The following RARB variants were observed in gnomAD, a reference collection of about 807,000 sequenced individuals.
The protein encoded by RARB is retinoic acid receptor beta.
Under a neutral mutation model 51.9 loss-of-function variants are expected in RARB, and 17 were observed. That is an observed-to-expected ratio of 0.33 (90% CI 0.22 to 0.49). The LOEUF is 0.49. Among genes scored for constraint, RARB ranks in the 20% least tolerant of loss-of-function variants. RARB has a pLI of 0.99. For missense variants in RARB, 369 were observed against 550.8 expected, an observed-to-expected ratio of 0.67 and a Z score of 3.30; for synonymous variants, 215 against 195.4, an observed-to-expected ratio of 1.10 and a Z score of -0.84.
intron 1 of RARB, 85 bp downstream of exon 1, chr3:25,428,973 A>C (rs566892147): frequency 2.1e-6 from 3 of 1,418,414 alleles, no homozygotes; most frequent in Non-Finnish European, 2.8e-6. Flanking sequence ...AATAAACTGC[A>C]TTGGTAGCAA....
chr3:25,030,112 T>C (rs978332512), intron 2 of RARB, among the ~76,000 whole-genome samples: 1 of 152,220 alleles, frequency 6.6e-6, no homozygotes, highest in African/African-American at 2.4e-5. Flanking sequence ...GTAGATTGTA[T>C]TGCTAGTCAA....
intron 2 of RARB, among the ~76,000 whole-genome samples, chr3:24,874,824 T>C (rs1005232994): frequency 1.3e-5 from 2 of 152,076 alleles, no homozygotes; most frequent in African/African-American, 4.8e-5. Context: ...TTGATCTTTT[T>C]GTATATTTTC....
intron 2 of RARB, among the ~76,000 whole-genome samples, chr3:25,482,194 C>T (rs1329720656): frequency 6.6e-6 from 1 of 152,072 alleles, no homozygotes; most frequent in Non-Finnish European, 1.5e-5. Context: ...GTCATTTCCA[C>T]TTTCCTTCTA....
At chr3:25,300,811 G>A (rs1239924594) in intron 5 of RARB, among the ~76,000 whole-genome samples, 2 of 152,056 alleles carry the variant, frequency 1.3e-5, no homozygotes, top group Non-Finnish European at 2.9e-5. Flanking sequence ...GCAACATGGT[G>A]AAACCCTATC....
chr3:24,902,163 C>A (rs1703622469), intron 2 of RARB, among the ~76,000 whole-genome samples: 2 of 152,070 alleles, frequency 1.3e-5, no homozygotes, highest in Admixed American at 6.6e-5. Context: ...GTGGCTTGTC[C>A]ACATTCCTAC....
At chr3:25,180,373 T>C (rs1700837516) in intron 5 of RARB, among the ~76,000 whole-genome samples, 1 of 152,208 alleles carries the variant, frequency 6.6e-6, no homozygotes. Flanking sequence ...AATTGAACTT[T>C]GGAAAAGTTA....
At chr3:25,275,238 G>C (rs1703353026) in intron 5 of RARB, among the ~76,000 whole-genome samples, 1 of 152,158 alleles carries the variant, frequency 6.6e-6, no homozygotes, top group South Asian at 2.1e-4. Flanking sequence ...AAGGCAGAAG[G>C]ATTGCTTGAG....
rs1385408796 is a variant in RARB at position 25,277,198 on chromosome 3, G to C, written c.178+102623G>C. Among the ~76,000 whole-genome samples the C allele has an allele frequency of 3.9e-5, 6 of 152,268 alleles. No individual in the cohort carries two copies. The East Asian group carries it at 1.2e-3, about 29-fold the overall frequency. ...ACTGGTAAGGAAGAACTCTAGGTAG[G>C]TGTCAAATAATTGGTAGATTTGCGT... On this transcript the variant is annotated intron_variant, in intron 5 of 11. Transcript: ENST00000383772.
At chr3:25,386,474 T>C (rs1706797363) in intron 5 of RARB, among the ~76,000 whole-genome samples, 1 of 152,228 alleles carries the variant, frequency 6.6e-6, no homozygotes, top group Non-Finnish European at 1.5e-5. Context: ...AGGTTTGTTT[T>C]TGTTTTTGCT....
chr3:24,917,816 AG>A (rs1305923069), intron 2 of RARB, among the ~76,000 whole-genome samples: 1 of 152,166 alleles, frequency 6.6e-6, no homozygotes, highest in African/African-American at 2.4e-5. Flanking sequence ...CGTGAGCCAC[AG>A]TGCCCAGCCC....
chr3:25,162,867 A>G (rs1433251623), intron 4 of RARB, among the ~76,000 whole-genome samples: 1 of 152,230 alleles, frequency 6.6e-6, no homozygotes, highest in African/African-American at 2.4e-5. Context: ...GTTGTGAATA[A>G]TGCTGCTATA....
intron 3 of RARB, among the ~76,000 whole-genome samples, chr3:25,123,916 C>A (rs762523964): frequency 6.6e-6 from 1 of 152,180 alleles, no homozygotes; most frequent in East Asian, 1.9e-4. Flanking sequence ...AGCATCTGCT[C>A]ATATCTTATT....
intron 3 of RARB, among the ~76,000 whole-genome samples, chr3:25,114,899 A>G (rs1559471572): frequency 6.6e-6 from 1 of 152,212 alleles, no homozygotes; most frequent in Non-Finnish European, 1.5e-5. Context: ...GTTATAAAAT[A>G]CTGAGTTGAA....
At chr3:25,057,169 C>T (rs1352077867) in intron 2 of RARB, among the ~76,000 whole-genome samples, 1 of 152,054 alleles carries the variant, frequency 6.6e-6, no homozygotes, top group Non-Finnish European at 1.5e-5. Flanking sequence ...AGTATTTCTG[C>T]TGAATCTTCC....
intron 3 of RARB, among the ~76,000 whole-genome samples, chr3:25,114,647 A>C (rs1291856409): frequency 6.6e-6 from 1 of 152,198 alleles, no homozygotes. Context: ...CATTCTTTGC[A>C]TGCATTAATA....
At chr3:25,051,293 G>A (rs186668153) in intron 2 of RARB, among the ~76,000 whole-genome samples, 142 of 152,194 alleles carry the variant, frequency 9.3e-4, no homozygotes, top group African/African-American at 3.4e-3. Flanking sequence ...TGTTGTGAAT[G>A]TTATATTTGT....
intron 2 of RARB, among the ~76,000 whole-genome samples, chr3:24,862,722 C>T (rs937264): frequency 0.041 from 6,233 of 152,182 alleles, 139 homozygotes; most frequent in Middle Eastern, 0.068. Flanking sequence ...GTATGCCCCA[C>T]GTATAAGGAG....
At chr3:25,258,692 G>C (rs1702926387) in intron 5 of RARB, among the ~76,000 whole-genome samples, 1 of 152,080 alleles carries the variant, frequency 6.6e-6, no homozygotes. Context: ...TGGAGGCTGG[G>C]AAGTCTAAGA....
At chr3:24,874,863 G>A (rs1703011680) in intron 2 of RARB, among the ~76,000 whole-genome samples, 1 of 151,836 alleles carries the variant, frequency 6.6e-6, no homozygotes, top group Non-Finnish European at 1.5e-5. Context: ...TGTTATTAAA[G>A]TTTTTTCTCA....
Sources: gnomAD v4.1 joint callset for allele counts (sites outside exome capture counted in the v4.1 genomes callset) on GRCh38, gnomAD v4.1.1 for gene constraint, MANE v1.5 for transcripts, NCBI Gene and HGNC (gene_info 2026-07-23, HGNC 2026-07-21) for gene names.